TNIK: variants seen among roughly 807,000 people sequenced by gnomAD.
TNIK encodes TRAF2 and NCK interacting kinase, also known as TRAF2 and NCK-interacting protein kinase.
Under a neutral mutation model 191.3 loss-of-function variants are expected in TNIK, and 49 were observed. The observed-to-expected ratio is 0.26, with a 90% CI of 0.20 to 0.32. The LOEUF (loss-of-function observed/expected upper bound fraction) is 0.32. Among genes scored for constraint, TNIK ranks in the 10% least tolerant of loss-of-function variants. The pLI is 1.00. For synonymous variants in TNIK, 594 were observed against 600.9 expected (o/e 0.99, Z 0.17); for missense variants, 1,155 against 1,702.3 (o/e 0.68, Z 5.66).
intron 2 of TNIK, among the ~76,000 whole-genome samples, chr3:171,338,960 A>G (rs1209298877): frequency 6.6e-6 from 1 of 152,158 alleles, no homozygotes; most frequent in Non-Finnish European, 1.5e-5. Flanking sequence ...GCTCATAATG[A>G]CTATGCTACA....
intron 2 of TNIK, among the ~76,000 whole-genome samples, chr3:171,314,255 T>C (rs1754355657): frequency 6.6e-6 from 1 of 152,170 alleles, no homozygotes; most frequent in Non-Finnish European, 1.5e-5. Flanking sequence ...ACCTCTACTT[T>C]AGCCTTATCC....
intron 2 of TNIK, among the ~76,000 whole-genome samples, chr3:171,329,959 G>T (rs1018993055): frequency 6.6e-6 from 1 of 152,166 alleles, no homozygotes; most frequent in Non-Finnish European, 1.5e-5. Context: ...GAAAATCTGT[G>T]CAATGTCAAA....
At chr3:171,304,847 G>A (rs1385706529) in intron 2 of TNIK, among the ~76,000 whole-genome samples, 10 of 152,052 alleles carry the variant, frequency 6.6e-5, no homozygotes, top group South Asian at 4.2e-4. Flanking sequence ...ATCACACACC[G>A]GGGACCGTTG....
intron 28 of TNIK, among the ~76,000 whole-genome samples, chr3:171,072,877 C>T (rs1340280862): frequency 6.6e-6 from 1 of 151,842 alleles, no homozygotes; most frequent in Admixed American, 6.6e-5. Context: ...AGGTGAAAGA[C>T]CCCTACAAGG....
At position 171,123,580 on chromosome 3, in the gene TNIK, C is replaced by T. The variant is rs1346783989; in HGVS notation, c.2120+16G>A. On this transcript the variant is annotated intron_variant, in intron 18 of 32. Coordinates refer to ENST00000436636, the MANE Select transcript of TNIK (RefSeq NM_015028.4). ...TAGGAGTTTCTTCTTTTACCATAAC[C>T]ACCTTCCTTTCTTACCTTGCTCTGA... 1 of 1,525,856 alleles carries T rather than the reference C, an allele frequency of 6.6e-7. No individual in the cohort carries two copies. The highest frequency in any genetic ancestry group is 1.4e-5 in the African/African-American group (1 of 71,878). 94.5% of individuals were successfully genotyped at this position (1,525,856 alleles called of 1,614,324 possible).
chr3:171,203,078 ATT>A (rs368539899), intron 4 of TNIK, among the ~76,000 whole-genome samples: 2 of 148,476 alleles, frequency 1.3e-5, no homozygotes, highest in African/African-American at 4.9e-5. Context: ...TGAGTGGTTA[ATT>A]TTTTTTTTTT....
At chr3:171,447,539 T>G (rs1264823460) in intron 1 of TNIK, among the ~76,000 whole-genome samples, 1 of 152,254 alleles carries the variant, frequency 6.6e-6, no homozygotes, top group South Asian at 2.1e-4. Flanking sequence ...TGAGTCACTA[T>G]TGGCAGTGGC....
chr3:171,140,469 C>T lies in TNIK; in HGVS notation c.1262G>A (p.Arg421Lys), dbSNP rs1281158822. Reference sequence around the variant, plus strand: ...CTCCTCATAGTGCCGGCGCTGCTCCCTCTCCTGCTGCTTCCGCAGCTCCTT... The same window carrying T: ...CTCCTCATAGTGCCGGCGCTGCTCCTTCTCCTGCTGCTTCCGCAGCTCCTT... ...REKELRKQQE[R>K]EQRRHYEEQM... The change falls in exon 13 of 33, where the codon AGG becomes AAG. Residue 421 changes from arginine (R) to lysine (K), a missense_variant. Coordinates refer to ENST00000436636, the MANE Select transcript of TNIK (RefSeq NM_015028.4). 2 of 1,613,232 alleles carry T rather than the reference C, an allele frequency of 1.2e-6. No homozygotes were observed. The highest frequency in any genetic ancestry group is 1.7e-6 in the Non-Finnish European group (2 of 1,179,640).
At chr3:171,126,190 GA>G in intron 16 of TNIK, 39 bp from the exon 17 acceptor site, 1 of 1,385,864 alleles carries the variant, frequency 7.2e-7, no homozygotes, top group African/African-American at 1.5e-5. Flanking sequence ...ACTATTAGAA[GA>G]AAAAAGAGAT....
chr3:171,120,686 G>C (rs1307361382), intron 18 of TNIK, among the ~76,000 whole-genome samples: 3 of 152,104 alleles, frequency 2.0e-5, no homozygotes, highest in Non-Finnish European at 4.4e-5. Context: ...ATATACAGAG[G>C]TAGAACTGGT....
intron 15 of TNIK, among the ~76,000 whole-genome samples, chr3:171,137,108 C>CT (rs71176593): frequency 0.25 from 25,994 of 103,282 alleles, 2,926 homozygotes; most frequent in East Asian, 0.32. Flanking sequence ...TTTAAAAATC[C>CT]TTTTTTTTTT....
In TNIK at chr3:171,259,387, C is replaced by T. The variant is rs527821630; in HGVS notation, c.124-31166G>A. Among the ~76,000 whole-genome samples, 3 of 152,272 alleles carry T rather than the reference C, an allele frequency of 2.0e-5. No homozygotes were observed. In the South Asian group the frequency reaches 6.2e-4, roughly 32 times the overall value. On this transcript the variant is annotated intron_variant, in intron 2 of 32. Coordinates refer to ENST00000436636, the MANE Select transcript of TNIK (RefSeq NM_015028.4). The stretch of plus-strand genomic sequence containing the variant: ...GTAAGAGTCAGCAGTTGTCTATTGG[C>T]AATTGATAACTATTCCTGAACACTC...
chr3:171,385,347 C>T (rs1718580294), intron 1 of TNIK, among the ~76,000 whole-genome samples: 1 of 152,100 alleles, frequency 6.6e-6, no homozygotes, highest in South Asian at 2.1e-4. Context: ...AAGGGAGTCT[C>T]ACGACTGTCA....
intron 9 of TNIK, among the ~76,000 whole-genome samples, chr3:171,172,800 G>A (rs1368953429): frequency 6.6e-6 from 1 of 152,220 alleles, no homozygotes; most frequent in African/African-American, 2.4e-5. Context: ...AGGGAAAGGT[G>A]TGCAAGGTGG....
rs937747262 is a variant in TNIK at position 171,366,798 on chromosome 3, G to A, written c.123+2822C>T. On this transcript the variant is annotated intron_variant, in intron 2 of 32. Transcript: ENST00000436636. The surrounding 1 kb of genome is among the most constrained non-coding windows in gnomAD (Gnocchi z 4.1). The stretch of plus-strand genomic sequence containing the variant: ...TTCCCGTAATCCCCATGTGTCATGG[G>A]AGAGACCAGGTGGAGATAATTGAAT... 1.3e-5 allele frequency among the ~76,000 whole-genome samples: 2 copies of A among 152,148 alleles called. No homozygotes were observed. The highest frequency in any genetic ancestry group is 2.4e-5 in the African/African-American group (1 of 41,432).
intron 9 of TNIK, among the ~76,000 whole-genome samples, chr3:171,173,949 C>A (rs139381114): frequency 6.6e-6 from 1 of 152,004 alleles, no homozygotes; most frequent in Non-Finnish European, 1.5e-5. Flanking sequence ...GGTGCTTTGC[C>A]GATCACATGA....
At chr3:171,203,499 T>G (rs1387799518) in intron 4 of TNIK, among the ~76,000 whole-genome samples, 1 of 152,232 alleles carries the variant, frequency 6.6e-6, no homozygotes, top group Non-Finnish European at 1.5e-5. Context: ...TGCTACTATT[T>G]GAAATTTCAG....
chr3:171,440,465 C>A (rs1726645007), intron 1 of TNIK, among the ~76,000 whole-genome samples: 1 of 152,150 alleles, frequency 6.6e-6, no homozygotes, highest in Non-Finnish European at 1.5e-5. Context: ...AATTCCCCAA[C>A]TTTGTGGGAA....
intron 3 of TNIK, among the ~76,000 whole-genome samples, chr3:171,224,729 G>A (rs1742769071): frequency 6.6e-6 from 1 of 152,144 alleles, no homozygotes; most frequent in East Asian, 1.9e-4. Context: ...GGAGGGTCCA[G>A]CTCCTCCTAG....
Sources: gnomAD v4.1 joint callset for allele counts (sites outside exome capture counted in the v4.1 genomes callset) on GRCh38, gnomAD v4.1.1 for gene constraint, Gnocchi (gnomAD v3.1) non-coding constraint, MANE v1.5 for transcripts, NCBI Gene and HGNC (gene_info 2026-07-23, HGNC 2026-07-21) for gene names.